The following CDC42EP3 variants were observed in gnomAD, a reference collection of about 807,000 sequenced individuals.
CDC42EP3 encodes the protein CDC42 effector protein 3.
A neutral mutation model predicts 15.5 loss-of-function variants in CDC42EP3; 4 were observed. That is an observed-to-expected ratio of 0.26 (90% CI 0.13 to 0.59). CDC42EP3 has a LOEUF of 0.59. Ranked by LOEUF, CDC42EP3 falls within the 20% of genes least tolerant of loss-of-function variation. The probability of loss-of-function intolerance (pLI) is 0.89; values close to 1 mark genes in which losing one functional copy is unlikely to be tolerated. For missense variants in CDC42EP3, 309 were observed against 311.2 expected (o/e 0.99, Z 0.05); for synonymous variants, 145 against 130.3 (o/e 1.11, Z -0.77).
At chr2:37,666,813 CTTT>C (rs11311656) in intron 1 of CDC42EP3, among the ~76,000 whole-genome samples, 2 of 148,078 alleles carry the variant, frequency 1.4e-5, no homozygotes, top group Non-Finnish European at 1.5e-5. Context: ...AAGGAGAAAG[CTTT>C]TTTTTTTTTT....
At chr2:37,668,438 T>C (rs1352655190) in intron 1 of CDC42EP3, among the ~76,000 whole-genome samples, 1 of 152,220 alleles carries the variant, frequency 6.6e-6, no homozygotes, top group African/African-American at 2.4e-5. Flanking sequence ...ATTATCTCCA[T>C]TTTACAAAGG....
At position 37,644,930 on chromosome 2, in the gene CDC42EP3, T is replaced by C. The variant is rs372860359; in HGVS notation, c.*893A>G. ...AATACCTATATTTCCAAATAACATATGTGGTGTAGCCCACAGTCTCTGCAG... is the reference window on the plus strand; with the variant it reads ...AATACCTATATTTCCAAATAACATACGTGGTGTAGCCCACAGTCTCTGCAG... On this transcript the variant is annotated 3_prime_UTR_variant, in exon 2 of 2. Coordinates refer to ENST00000295324, the MANE Select transcript of CDC42EP3 (RefSeq NM_006449.5). 15 of 152,232 alleles carry C rather than the reference T, an allele frequency of 9.9e-5. No individual in the cohort carries two copies. The highest frequency in any genetic ancestry group is 9.6e-4 in the East Asian group (5 of 5,202). The allele number at this position is 152,232 out of a possible 1,614,324, so 9.4% of individuals were successfully genotyped here. A position where few individuals can be genotyped will look rare whatever the true frequency, so the allele number is the denominator to read the frequency against.
chr2:37,660,970 T>C (rs1178591191), intron 1 of CDC42EP3, among the ~76,000 whole-genome samples: 2 of 152,114 alleles, frequency 1.3e-5, no homozygotes, highest in African/African-American at 2.4e-5. Flanking sequence ...CCAGGCTTGA[T>C]GAGTAAGGAA....
Position 37,646,729 on chromosome 2 carries a change from T to C in CDC42EP3, c.-142A>G. On this transcript the variant is annotated 5_prime_UTR_variant, in exon 2 of 2. Transcript: ENST00000295324. ...CTTCAGAAGTGGCTTCGAAATGAGATGGGGTCAAAGAGAACCTTCCTGAGG... is the reference window on the plus strand; with the variant it reads ...CTTCAGAAGTGGCTTCGAAATGAGACGGGGTCAAAGAGAACCTTCCTGAGG... The C allele has an allele frequency of 1.2e-6, 1 of 819,010 alleles. No individual in the cohort carries two copies. The highest frequency in any genetic ancestry group is 2.0e-6 in the Non-Finnish European group (1 of 512,704). 50.7% of individuals were successfully genotyped at this position (819,010 alleles called of 1,614,324 possible).
At chr2:37,663,317 C>T (rs1666138412) in intron 1 of CDC42EP3, among the ~76,000 whole-genome samples, 1 of 152,222 alleles carries the variant, frequency 6.6e-6, no homozygotes, top group African/African-American at 2.4e-5. Flanking sequence ...GTTGAGGCCG[C>T]AGCAATGATG....
intron 1 of CDC42EP3, among the ~76,000 whole-genome samples, chr2:37,648,017 T>C (rs1665531280): frequency 6.6e-6 from 1 of 152,230 alleles, no homozygotes; most frequent in African/African-American, 2.4e-5. Flanking sequence ...ATGGTAAATG[T>C]TGTAAGCCCT....
chr2:37,652,655 C>T lies in CDC42EP3; in HGVS notation c.-235-5833G>A, dbSNP rs529604220. Among the ~76,000 whole-genome samples, 3 of 152,258 alleles carry T rather than the reference C, an allele frequency of 2.0e-5. 1 individual carries two copies. The highest frequency in any genetic ancestry group is 2.0e-4 in the Admixed American group (3 of 15,302). ...TCACAGCTCACTGCAGCATCGAAACCCTGGGCTCAAGCCATCCTCCTGCCC... is the reference window on the plus strand; with the variant it reads ...TCACAGCTCACTGCAGCATCGAAACTCTGGGCTCAAGCCATCCTCCTGCCC... On this transcript the variant is annotated intron_variant, in intron 1 of 1. Transcript: ENST00000295324.
In CDC42EP3 at chr2:37,646,332, G is replaced by C; in HGVS notation, c.256C>G (p.Arg86Gly). Residue 86 changes from arginine to glycine, a missense_variant, in exon 2 of 2, where the codon CGG becomes GGG. Arg to Gly is a moderately radical substitution (Grantham distance 125). Transcript: ENST00000295324. Reference protein sequence around the residue: ...GQFPGHNEFFRANSTSDSVFT... With the variant: ...GQFPGHNEFFGANSTSDSVFT... ...ACAGAGTCCGAGGTGCTGTTGGCCC[G>C]GAAGAACTCATTATGCCCAGGGAAC... The C allele has an allele frequency of 6.2e-7, 1 of 1,614,082 alleles. No homozygotes were observed. The highest frequency in any genetic ancestry group is 2.2e-5 in the East Asian group (1 of 44,874).
chr2:37,666,407 G>A (rs79053087), intron 1 of CDC42EP3, among the ~76,000 whole-genome samples: 2,768 of 152,256 alleles, frequency 0.018, 97 homozygotes, highest in African/African-American at 0.062. Context: ...CACTTTAGGC[G>A]GTACCCTGTT....
At position 37,646,385 on chromosome 2, in the gene CDC42EP3, C is replaced by T; in HGVS notation, c.203G>A (p.Gly68Glu). 2 of 1,613,986 alleles carry T rather than the reference C, an allele frequency of 1.2e-6. No homozygotes were observed. Among genetic ancestry groups the T allele is most frequent in the Non-Finnish European group, 1.7e-6 (2 of 1,179,972 alleles). Residue 68 changes from glycine (G) to glutamate (E), a missense_variant, in exon 2 of 2, where the codon GGA becomes GAA. Transcript: ENST00000295324. ...FLQGNYELLP[G>E]NQEKAHLGQF... Reference sequence around the variant, plus strand: ...GCCCAGGTGTGCTTTCTCCTGGTTTCCAGGTAAAAGCTCGTAGTTCCCTTG... The same window carrying T: ...GCCCAGGTGTGCTTTCTCCTGGTTTTCAGGTAAAAGCTCGTAGTTCCCTTG...
Position 37,645,779 on chromosome 2 carries a change from T to C in CDC42EP3, c.*44A>G, listed in dbSNP as rs2124606703. 1 of 1,463,264 alleles carries C rather than the reference T, an allele frequency of 6.8e-7. No homozygotes were observed. The highest frequency in any genetic ancestry group is 2.3e-5 in the East Asian group (1 of 43,012). 90.6% of individuals were successfully genotyped at this position (1,463,264 alleles called of 1,614,324 possible). ...CCCTTCTCTTCAACTGTGGTTAGTTTGTTTTTGTACCTTTTACCCCAAAGG... is the reference window on the plus strand; with the variant it reads ...CCCTTCTCTTCAACTGTGGTTAGTTCGTTTTTGTACCTTTTACCCCAAAGG... On this transcript the variant is annotated 3_prime_UTR_variant, in exon 2 of 2. Transcript: ENST00000295324.
chr2:37,653,016 T>C (rs555144700), intron 1 of CDC42EP3, among the ~76,000 whole-genome samples: 2 of 152,372 alleles, frequency 1.3e-5, no homozygotes, highest in East Asian at 3.9e-4. Flanking sequence ...TTCTTTCTAG[T>C]TCCACAAACT....
intron 1 of CDC42EP3, among the ~76,000 whole-genome samples, chr2:37,650,254 A>C (rs931826214): frequency 6.6e-6 from 1 of 152,140 alleles, no homozygotes; most frequent in African/African-American, 2.4e-5. Flanking sequence ...CGAACTGACC[A>C]CTTCCTTCTC....
chr2:37,655,118 G>A (rs1435395990), intron 1 of CDC42EP3, among the ~76,000 whole-genome samples: 1 of 152,152 alleles, frequency 6.6e-6, no homozygotes, highest in Admixed American at 6.5e-5. Flanking sequence ...TCTAAACTGA[G>A]GACATAGCTC....
At position 37,645,964 on chromosome 2, in the gene CDC42EP3, G is replaced by T; in HGVS notation, c.624C>A (p.Pro208=). ...TTCCCTTGATGAGCTCGCATGGGGT[G>T]GGATGGTCAAACATGTCCTCGGCTG... ...DWPAEDMFDH[P]TPCELIKGKT... Residue 208 remains proline, a synonymous_variant, in exon 2 of 2, where the codon CCC becomes CCA. Coordinates refer to ENST00000295324, the MANE Select transcript of CDC42EP3 (RefSeq NM_006449.5). 2 of 1,614,088 alleles carry T rather than the reference G, an allele frequency of 1.2e-6. No homozygotes were observed. Among genetic ancestry groups the T allele is most frequent in the Non-Finnish European group, 1.7e-6 (2 of 1,179,974 alleles).
At chr2:37,667,328 T>C (rs1444396182) in intron 1 of CDC42EP3, among the ~76,000 whole-genome samples, 1 of 152,198 alleles carries the variant, frequency 6.6e-6, no homozygotes, top group Non-Finnish European at 1.5e-5. Context: ...AAACGTCCAC[T>C]GAGTGCCGGG....
chr2:37,647,589 T>C (rs1347468969), intron 1 of CDC42EP3: 2 of 152,266 alleles, frequency 1.3e-5, no homozygotes, highest in Non-Finnish European at 2.9e-5. Context: ...GGAACACTTC[T>C]GAAACATTAC....
chr2:37,670,962 C>T (rs1396071308), intron 1 of CDC42EP3, among the ~76,000 whole-genome samples: 1 of 148,656 alleles, frequency 6.7e-6, no homozygotes, highest in Non-Finnish European at 1.5e-5. Context: ...GGTTGGCGCC[C>T]CACTAACAAT....
At chr2:37,647,074 T>C (rs2231500) in intron 1 of CDC42EP3, among the ~76,000 whole-genome samples, 1,917 of 152,366 alleles carry the variant, frequency 0.013, 31 homozygotes, top group African/African-American at 0.043. Flanking sequence ...GACATGTCTA[T>C]GGTTTTAGTC....
Sources: allele counts gnomAD v4.1 joint callset (sites outside exome capture counted in the v4.1 genomes callset), GRCh38; gene constraint gnomAD v4.1.1; transcripts MANE v1.5; gene names NCBI Gene and HGNC (gene_info 2026-07-23, HGNC 2026-07-21).